Variants in ARID1B observed in about 807,000 individuals in gnomAD.
ARID1B encodes the protein AT-rich interactive domain-containing protein 1B.
ARID1B carries 30 observed loss-of-function variants against 212.3 expected under a neutral mutation model. That is an observed-to-expected ratio of 0.14 (90% CI 0.11 to 0.19). The LOEUF (loss-of-function observed/expected upper bound fraction) is 0.19, where lower values mean the gene tolerates loss of function less well. Among genes scored for constraint, ARID1B ranks in the 10% least tolerant of loss-of-function variants. The pLI is 1.00. For synonymous variants in ARID1B, 1,402 were observed against 1,301.7 expected, an observed-to-expected ratio of 1.08 and a Z score of -1.66; for missense variants, 2,891 against 3,204.0, an observed-to-expected ratio of 0.90 and a Z score of 2.36.
At chr6:157,012,358 T>C (rs746766375) in intron 4 of ARID1B, among the ~76,000 whole-genome samples, 3 of 152,234 alleles carry the variant, frequency 2.0e-5, no homozygotes, top group Non-Finnish European at 2.9e-5. Context: ...CAGGCAGTTG[T>C]GAGAACATGG....
rs562152986 is a variant in ARID1B at position 157,177,124 on chromosome 6, A to T, written c.3504+2119A>T. Among the ~76,000 whole-genome samples the T allele has an allele frequency of 6.6e-5, 10 of 152,314 alleles. No individual in the cohort carries two copies. The East Asian group carries it at 1.5e-3, about 24-fold the overall frequency. ...ACTTGAAATTGTGTATTTTTTCTCA[A>T]TATTTCCATATATATGATCTCTTCC... On this transcript the variant is annotated intron_variant, in intron 11 of 19. Coordinates refer to ENST00000636930, the MANE Select transcript of ARID1B (RefSeq NM_001374828.1).
At chr6:157,075,112 G>C (rs1368255853) in intron 4 of ARID1B, among the ~76,000 whole-genome samples, 1 of 151,756 alleles carries the variant, frequency 6.6e-6, no homozygotes, top group East Asian at 1.9e-4. Flanking sequence ...GCACTTGAGT[G>C]CTAGCACTTG....
intron 4 of ARID1B, chr6:156,942,963 G>A (rs746620726): frequency 6.6e-6 from 1 of 152,200 alleles, no homozygotes; most frequent in Admixed American, 6.5e-5. Context: ...GCTCATAGTA[G>A]CATTTGTAGA....
At chr6:156,806,549 A>G (rs1333573119) in intron 1 of ARID1B, among the ~76,000 whole-genome samples, 1 of 152,240 alleles carries the variant, frequency 6.6e-6, no homozygotes, top group Non-Finnish European at 1.5e-5. Flanking sequence ...ATAATTTCCA[A>G]AGTGCTTTTC....
At chr6:157,041,806 G>A (rs920470423) in intron 4 of ARID1B, among the ~76,000 whole-genome samples, 26 of 152,152 alleles carry the variant, frequency 1.7e-4, no homozygotes, top group African/African-American at 4.6e-4. Flanking sequence ...CCCTGTACCC[G>A]CCTCTCAGTC....
rs776996949 is a variant in ARID1B, at chr6:156,779,140, G to A, written c.1460G>A (p.Arg487His). Residue 487 changes from arginine to histidine, a missense_variant, in exon 1 of 20, where the codon CGC (arginine) becomes CAC (histidine). Transcript: ENST00000636930. Reference sequence around the variant, plus strand: ...GGCTCGGCGGCGGGGGGCTTCCAGCGCTTCGCCGGCCAGAACCAGCACCCG... The same window carrying A: ...GGCTCGGCGGCGGGGGGCTTCCAGCACTTCGCCGGCCAGAACCAGCACCCG... ...AAGSAAGGFQ[R>H]FAGQNQHPSG... 7.9e-7 allele frequency: 1 copy of A among 1,265,320 alleles called. No individual in the cohort carries two copies. Among genetic ancestry groups the A allele is most frequent in the South Asian group, 2.4e-5 (1 of 41,094 alleles). 78.4% of individuals were successfully genotyped at this position (1,265,320 alleles called of 1,614,324 possible). A position where few individuals can be genotyped will look rare whatever the true frequency, so the allele number is the denominator to read the frequency against.
intron 3 of ARID1B, among the ~76,000 whole-genome samples, chr6:156,933,023 A>AT (rs1056310664): frequency 6.6e-6 from 1 of 152,122 alleles, no homozygotes; most frequent in Non-Finnish European, 1.5e-5. Flanking sequence ...GCCACAATAC[A>AT]TTTTTCTGAT....
chr6:156,778,058 G>T lies in ARID1B; in HGVS notation c.378G>T (p.Ala126=), dbSNP rs1473774476. The change falls in exon 1 of 20, where the codon GCG becomes GCT. Residue 126 remains alanine (A), a synonymous_variant. Transcript: ENST00000636930. ...ALSSSSSSSA[A]AAAASSSSSS... ...CCTCCTCCTCCTCCTCCTCCGCGGCGGCAGCGGCGGCATCCTCTTCCTCCT... is the reference window on the plus strand; with the variant it reads ...CCTCCTCCTCCTCCTCCTCCGCGGCTGCAGCGGCGGCATCCTCTTCCTCCT... 4 of 1,534,474 alleles carry T rather than the reference G, an allele frequency of 2.6e-6. No individual in the cohort carries two copies. Among genetic ancestry groups the T allele is most frequent in the Admixed American group, 2.0e-5 (1 of 50,816 alleles).
intron 1 of ARID1B, among the ~76,000 whole-genome samples, chr6:156,818,597 C>T (rs1272221034): frequency 6.6e-6 from 1 of 152,106 alleles, no homozygotes; most frequent in Non-Finnish European, 1.5e-5. Flanking sequence ...GAAATTGAGG[C>T]TTAGAGCACT....
At position 156,898,200 on chromosome 6, in the gene ARID1B, A is replaced by G. The variant is rs529534693; in HGVS notation, c.1987-3176A>G. On this transcript the variant is annotated intron_variant, in intron 2 of 19. Transcript: ENST00000636930. Reference sequence around the variant, plus strand: ...TAACTGTTGGTTGCATGTCACTTGCATGCAACCGTCTGGTTATATGAGTTA... The same window carrying G: ...TAACTGTTGGTTGCATGTCACTTGCGTGCAACCGTCTGGTTATATGAGTTA... Among the ~76,000 whole-genome samples, 95 of 152,294 alleles carry G rather than the reference A, an allele frequency of 6.2e-4. 1 individual carries two copies. Among genetic ancestry groups the G allele is most frequent in the Non-Finnish European group, 1.5e-5 (1 of 68,026 alleles).
intron 5 of ARID1B, among the ~76,000 whole-genome samples, chr6:157,087,132 G>A (rs879799109): frequency 3.3e-5 from 5 of 152,146 alleles, no homozygotes; most frequent in Non-Finnish European, 7.4e-5. Flanking sequence ...ATTTAGTACC[G>A]GGAGGAAATT....
chr6:157,131,182 T>G lies in ARID1B; in HGVS notation c.2582-1846T>G, dbSNP rs555178409. Among the ~76,000 whole-genome samples, 19 of 152,316 alleles carry G rather than the reference T, an allele frequency of 1.2e-4. No individual in the cohort carries two copies. The East Asian group carries it at 3.7e-3, about 29-fold the overall frequency. ...GCATGAAGAATTTAACATCCATTCA[T>G]TTTTTTAAAAAGCAATAGTTTTGTT... On this transcript the variant is annotated intron_variant, in intron 6 of 19. Transcript: ENST00000636930.
intron 4 of ARID1B, among the ~76,000 whole-genome samples, chr6:157,039,882 T>TTTCCTTCCTTCCTTC (rs1554287391): frequency 1.5e-5 from 1 of 67,230 alleles, no homozygotes; most frequent in African/African-American, 5.4e-5. Context: ...CTTTCTTTTC[T>TTTCCTTCCTTCCTTC]CTTCCTTCCT....
chr6:156,914,481 G>T (rs1394653775), intron 3 of ARID1B, among the ~76,000 whole-genome samples: 1 of 152,132 alleles, frequency 6.6e-6, no homozygotes, highest in Non-Finnish European at 1.5e-5. Flanking sequence ...GCCGCTCCTT[G>T]CCTTTCCTTG....
chr6:157,148,955 C>G lies in ARID1B; in HGVS notation c.3089+4C>G, dbSNP rs777669434. 27 of 1,607,514 alleles carry G rather than the reference C, an allele frequency of 1.7e-5. No individual in the cohort carries two copies. The South Asian group carries it at 2.8e-4, about 16-fold the overall frequency. ...CTGCGAACTCAGCACAAAGCAGGTA[C>G]GCCACCCAGGAGCACGCCCCGGGCA... On this transcript the variant is annotated splice_donor_region_variant and intron_variant, in intron 8 of 19. Coordinates refer to ENST00000636930, the MANE Select transcript of ARID1B (RefSeq NM_001374828.1). The surrounding 1 kb of genome is among the most constrained non-coding windows in gnomAD (Gnocchi z 5.6).
chr6:156,857,308 G>A (rs1455938884), intron 2 of ARID1B, among the ~76,000 whole-genome samples: 1 of 152,202 alleles, frequency 6.6e-6, no homozygotes, highest in Non-Finnish European at 1.5e-5. Context: ...AATTTCAAGA[G>A]AGTGTCAGTG....
chr6:156,865,214 C>T (rs1373765791), intron 2 of ARID1B, among the ~76,000 whole-genome samples: 1 of 152,138 alleles, frequency 6.6e-6, no homozygotes, highest in African/African-American at 2.4e-5. Flanking sequence ...CTGTGTCTTT[C>T]TTGTTTTGGT....
chr6:156,979,757 C>G (rs1389403388), intron 4 of ARID1B, among the ~76,000 whole-genome samples: 4 of 152,168 alleles, frequency 2.6e-5, no homozygotes, highest in African/African-American at 9.7e-5. Flanking sequence ...GGGGTTTCAC[C>G]ACATTGGCCA....
chr6:157,086,997 G>A (rs1785006428), intron 5 of ARID1B, among the ~76,000 whole-genome samples: 1 of 152,186 alleles, frequency 6.6e-6, no homozygotes, highest in Non-Finnish European at 1.5e-5. Context: ...GTTATTTAAA[G>A]TGTATAGTTT....
Sources: gnomAD v4.1 joint callset for allele counts (sites outside exome capture counted in the v4.1 genomes callset) on GRCh38, gnomAD v4.1.1 for gene constraint, Gnocchi (gnomAD v3.1) non-coding constraint, MANE v1.5 for transcripts, NCBI Gene and HGNC (gene_info 2026-07-23, HGNC 2026-07-21) for gene names.